LRRK2: variants seen among roughly 807,000 people sequenced by gnomAD.
LRRK2 encodes leucine-rich repeat serine/threonine-protein kinase 2.
In LRRK2, 203 loss-of-function variants were observed where a neutral mutation model predicts 302.6. The observed-to-expected ratio is 0.67, with a 90% confidence interval of 0.60 to 0.75. The LOEUF is 0.75. LRRK2 is among the 30% of genes least tolerant of loss of function. LRRK2 has a pLI of 0.00. For missense variants in LRRK2, 2,830 were observed against 2,951.0 expected, an observed-to-expected ratio of 0.96 and a Z score of 0.95; for synonymous variants, 1,066 against 1,031.9, an observed-to-expected ratio of 1.03 and a Z score of -0.63.
intron 1 of LRRK2, 80 bp downstream of exon 1, chr12:40,225,362 C>T: frequency 6.6e-7 from 1 of 1,522,108 alleles, no homozygotes; most frequent in Non-Finnish European, 9.0e-7. Context: ...TTGTCCTCCT[C>T]CCCTTGACCC....
chr12:40,273,653 T>G (rs1943326706), intron 14 of LRRK2, among the ~76,000 whole-genome samples: 1 of 152,106 alleles, frequency 6.6e-6, no homozygotes, highest in African/African-American at 2.4e-5. Context: ...GGAGTGGAGG[T>G]ACCATGAAAC....
chr12:40,259,201 C>G (rs1201356265), intron 12 of LRRK2, among the ~76,000 whole-genome samples: 2 of 152,102 alleles, frequency 1.3e-5, no homozygotes, highest in Non-Finnish European at 2.9e-5. Flanking sequence ...TAACACCTAC[C>G]TGCTGGGATT....
intron 30 of LRRK2, among the ~76,000 whole-genome samples, 161 bp downstream of exon 30, chr12:40,309,394 G>T (rs1233589694): frequency 6.6e-6 from 1 of 152,050 alleles, no homozygotes; most frequent in Admixed American, 6.6e-5. Flanking sequence ...GAAACTTTCC[G>T]AGTAATGAAG....
rs1402390466 is a variant in LRRK2 at position 40,284,017 on chromosome 12, C to T, written c.2384C>T (p.Ala795Val). ...ATCAGCTTGCTCTTAAGGAGGCTGG[C>T]CCTGGATGTGGCCAACAATAGCATT... ...QIISLLLRRL[A>V]LDVANNSICL... Residue 795 changes from alanine (A) to valine (V), a missense_variant, in exon 19 of 51, where the codon GCC becomes GTC. Physicochemically the swap from Ala to Val is moderately conservative, Grantham distance 64. Around this residue, in one of 3 missense-constraint regions of LRRK2, gnomAD observed 2,121 missense variants for 2,148.0 expected, o/e 0.99. Transcript: ENST00000298910. The T allele has an allele frequency of 1.2e-6, 2 of 1,613,744 alleles. No individual in the cohort carries two copies. The highest frequency in any genetic ancestry group is 2.7e-5 in the African/African-American group (2 of 74,882).
chr12:40,335,466 G>A (rs1257358531), intron 40 of LRRK2, among the ~76,000 whole-genome samples: 1 of 152,192 alleles, frequency 6.6e-6, no homozygotes, highest in East Asian at 1.9e-4. Flanking sequence ...CAGTATCAAA[G>A]TAAGTGTCAA....
intron 14 of LRRK2, among the ~76,000 whole-genome samples, chr12:40,264,819 G>A (rs890548739): frequency 2.6e-5 from 4 of 152,074 alleles, no homozygotes; most frequent in African/African-American, 9.7e-5. Flanking sequence ...AAGAGAAGAA[G>A]GGAATTACAT....
chr12:40,261,599 G>A (rs1240823394), intron 13 of LRRK2, among the ~76,000 whole-genome samples: 1 of 152,052 alleles, frequency 6.6e-6, no homozygotes, highest in African/African-American at 2.4e-5. Context: ...ATACTGTACT[G>A]TACCCAACGT....
At chr12:40,365,333 A>G in intron 49 of LRRK2, 1 of 369,044 alleles carries the variant, frequency 2.7e-6, no homozygotes, top group Non-Finnish European at 5.0e-6. Context: ...AATGGGAAAT[A>G]CATGGTATTG....
chr12:40,235,097 A>C (rs1235965522), intron 3 of LRRK2, among the ~76,000 whole-genome samples: 3 of 152,182 alleles, frequency 2.0e-5, no homozygotes, highest in African/African-American at 7.2e-5. Context: ...ACATGTGTAC[A>C]TTGTGAATTA....
At chr12:40,250,060 G>A (rs1592160770) in intron 8 of LRRK2, 115 bp downstream of exon 8, 15 of 1,296,626 alleles carry the variant, frequency 1.2e-5, no homozygotes, top group Admixed American at 2.0e-5. Flanking sequence ...TTTCTGTCCT[G>A]TGTAGCTCAT....
At chr12:40,310,391 T>C in intron 30 of LRRK2, 40 bp from the exon 31 acceptor site, 1 of 1,603,224 alleles carries the variant, frequency 6.2e-7, no homozygotes, top group South Asian at 1.1e-5. Flanking sequence ...AGGCCCAGTT[T>C]GAAAGCAAAC....
At position 40,252,905 on chromosome 12, in the gene LRRK2, G is replaced by A. The variant is rs898586557; in HGVS notation, c.1182-5G>A. The A allele has an allele frequency of 2.3e-5, 37 of 1,606,888 alleles. No homozygotes were observed. Among genetic ancestry groups the A allele is most frequent in the Non-Finnish European group, 6.8e-6 (8 of 1,174,010 alleles). On this transcript the variant is annotated splice_polypyrimidine_tract_variant and splice_region_variant and intron_variant, in intron 10 of 50. Transcript: ENST00000298910. Reference sequence around the variant, plus strand: ...CTACTAACATTTTGTTTGAATTTTTGAAAGTTTCCCAGCTCATAGGGAAGT... The same window carrying A: ...CTACTAACATTTTGTTTGAATTTTTAAAAGTTTCCCAGCTCATAGGGAAGT...
intron 41 of LRRK2, among the ~76,000 whole-genome samples, chr12:40,341,918 G>A (rs1946056647): frequency 1.3e-5 from 2 of 152,196 alleles, no homozygotes; most frequent in South Asian, 4.1e-4. Context: ...GAGAGGTTTG[G>A]AAAAACAGTC....
intron 39 of LRRK2, among the ~76,000 whole-genome samples, chr12:40,332,024 GC>G (rs1258577156): frequency 6.6e-6 from 1 of 152,148 alleles, no homozygotes; most frequent in Non-Finnish European, 1.5e-5. Flanking sequence ...GAATCAAATG[GC>G]CTACATAATA....
intron 31 of LRRK2, among the ~76,000 whole-genome samples, chr12:40,311,180 TTAGTCATGAAGACC>T (rs1945024223): frequency 6.6e-6 from 1 of 152,166 alleles, no homozygotes; most frequent in Non-Finnish European, 1.5e-5. Flanking sequence ...GCTGTTTTAT[TTAGTCATGAAGACC>T]ACTAACTTGG....
At chr12:40,226,161 T>A (rs1940867943) in intron 2 of LRRK2, among the ~76,000 whole-genome samples, 1 of 152,198 alleles carries the variant, frequency 6.6e-6, no homozygotes, top group Admixed American at 6.5e-5. Context: ...GAAAGTGATG[T>A]CTTATGAGAC....
At chr12:40,293,703 C>T (rs1944253579) in intron 21 of LRRK2, 40 bp downstream of exon 21, 1 of 1,343,060 alleles carries the variant, frequency 7.4e-7, no homozygotes, top group Non-Finnish European at 1.1e-6. Context: ...TTGTGTTTTG[C>T]TGCTGACATT....
intron 2 of LRRK2, among the ~76,000 whole-genome samples, chr12:40,229,106 A>G (rs1278720329): frequency 6.6e-6 from 1 of 152,214 alleles, no homozygotes; most frequent in East Asian, 1.9e-4. Flanking sequence ...TGGTCTTAAC[A>G]AGGGGATGTA....
chr12:40,353,176 A>G (rs1049826548), intron 44 of LRRK2, among the ~76,000 whole-genome samples: 1 of 149,042 alleles, frequency 6.7e-6, no homozygotes, highest in Non-Finnish European at 1.5e-5. Flanking sequence ...GGGGCTCCTC[A>G]CTTCTCCGAC....
Sources: allele counts gnomAD v4.1 joint callset (sites outside exome capture counted in the v4.1 genomes callset), GRCh38; gene constraint gnomAD v4.1.1; regional missense constraint gnomAD v4.1.1; transcripts MANE v1.5; gene names NCBI Gene and HGNC (gene_info 2026-07-23, HGNC 2026-07-21).